PDE7B: variants seen among roughly 807,000 people sequenced by gnomAD.
The protein encoded by PDE7B is phosphodiesterase 7B.
PDE7B carries 29 observed loss-of-function variants against 56.2 expected under a neutral mutation model. That is an observed-to-expected ratio of 0.52 (90% CI 0.38 to 0.70). The LOEUF (loss-of-function observed/expected upper bound fraction) is 0.70. PDE7B is among the 30% of genes least tolerant of loss of function. The pLI is 0.00. For missense variants in PDE7B, 490 were observed against 565.0 expected (o/e 0.87, Z 1.35); for synonymous variants, 197 against 196.9 (o/e 1.00, Z 0.00).
chr6:135,883,686 C>G (rs1452785575), intron 1 of PDE7B, among the ~76,000 whole-genome samples: 5 of 152,192 alleles, frequency 3.3e-5, no homozygotes, highest in Admixed American at 2.6e-4. Flanking sequence ...TGTCTTTGGT[C>G]TACACTCTTT....
intron 1 of PDE7B, among the ~76,000 whole-genome samples, chr6:135,921,772 G>A (rs1774086009): frequency 6.6e-6 from 1 of 151,888 alleles, no homozygotes; most frequent in Non-Finnish European, 1.5e-5. Flanking sequence ...TATCAAATTT[G>A]GACGAATATT....
In PDE7B at chr6:136,179,052, C is replaced by T. The variant is rs1329883928; in HGVS notation, c.859C>T (p.Gln287Ter). The T allele has an allele frequency of 2.5e-6, 4 of 1,613,796 alleles. No homozygotes were observed. The highest frequency in any genetic ancestry group is 3.4e-6 in the Non-Finnish European group (4 of 1,179,800). The change falls in exon 10 of 13, where the codon CAG (glutamine) becomes TAG (stop). Residue 287 changes from glutamine to a stop codon, truncating the protein, a stop_gained. Transcript: ENST00000308191. LOFTEE classifies it high-confidence loss of function. ...GATCTTGGCAACAGACATCAACAGGCAGAATGAATTTTTGACCAGATTGAA... is the reference window on the plus strand; with the variant it reads ...GATCTTGGCAACAGACATCAACAGGTAGAATGAATTTTTGACCAGATTGAA... ...SLILATDINRQNEFLTRLKAH... is the reference protein window; with the variant it reads ...SLILATDINR
chr6:136,104,023 T>A (rs1345633421), intron 2 of PDE7B, among the ~76,000 whole-genome samples: 2 of 152,178 alleles, frequency 1.3e-5, no homozygotes, highest in Non-Finnish European at 2.9e-5. Flanking sequence ...AGAGGCCAAG[T>A]AAGCAAGAGG....
chr6:136,119,934 G>A (rs1014206528), intron 3 of PDE7B, among the ~76,000 whole-genome samples: 3 of 152,156 alleles, frequency 2.0e-5, no homozygotes, highest in Admixed American at 6.6e-5. Context: ...CTCCAGAGCC[G>A]GCTGCCTGGG....
chr6:136,048,926 C>T (rs541146336), intron 2 of PDE7B: 1 of 152,284 alleles, frequency 6.6e-6, no homozygotes, highest in East Asian at 1.9e-4. Flanking sequence ...AAGCCCTTGA[C>T]ACATGGTATC....
chr6:136,139,895 A>G (rs1223127362), intron 3 of PDE7B, among the ~76,000 whole-genome samples: 1 of 152,106 alleles, frequency 6.6e-6, no homozygotes, highest in African/African-American at 2.4e-5. Context: ...AGTAGATTGC[A>G]AAAATTTTCT....
At chr6:135,973,119 G>A (rs1775121624) in intron 2 of PDE7B, among the ~76,000 whole-genome samples, 1 of 150,984 alleles carries the variant, frequency 6.6e-6, no homozygotes, top group Non-Finnish European at 1.5e-5. Context: ...CAGTTGATGA[G>A]TGATTCCTGA....
chr6:136,017,788 G>A (rs1432877591), intron 2 of PDE7B, among the ~76,000 whole-genome samples: 4 of 152,104 alleles, frequency 2.6e-5, no homozygotes, highest in East Asian at 1.9e-4. Context: ...AATTAGCATA[G>A]GAAATGGGTT....
chr6:136,157,894 T>G (rs897442148), intron 8 of PDE7B, among the ~76,000 whole-genome samples: 4 of 152,198 alleles, frequency 2.6e-5, no homozygotes, highest in African/African-American at 9.6e-5. Context: ...TAGCTGAGTA[T>G]GGTCCTGCCA....
At chr6:135,924,774 A>C (rs998076067) in intron 1 of PDE7B, among the ~76,000 whole-genome samples, 6 of 151,130 alleles carry the variant, frequency 4.0e-5, no homozygotes, top group Admixed American at 2.0e-4. Context: ...GTAAAAGTAT[A>C]TTTACTTACA....
chr6:136,097,415 G>A (rs1190526444), intron 2 of PDE7B, among the ~76,000 whole-genome samples: 4 of 151,948 alleles, frequency 2.6e-5, no homozygotes, highest in Non-Finnish European at 5.9e-5. Flanking sequence ...GCCCTCATAT[G>A]AAATTTCTTA....
intron 3 of PDE7B, among the ~76,000 whole-genome samples, chr6:136,138,195 T>A (rs1362612428): frequency 6.6e-6 from 1 of 152,154 alleles, no homozygotes; most frequent in African/African-American, 2.4e-5. Flanking sequence ...TCTGTAAGAT[T>A]TAGCTTAGCT....
intron 8 of PDE7B, chr6:136,166,368 C>G (rs1280241467): frequency 6.6e-6 from 1 of 152,216 alleles, no homozygotes. Context: ...TATATTAGTT[C>G]CTTCTCACAT....
At chr6:136,144,946 T>C (rs1461388921) in intron 3 of PDE7B, among the ~76,000 whole-genome samples, 3 of 152,140 alleles carry the variant, frequency 2.0e-5, no homozygotes, top group Non-Finnish European at 4.4e-5. Context: ...ATTTTTCCAC[T>C]AAAAACTACC....
chr6:136,145,481 A>C (rs12662330), intron 3 of PDE7B, among the ~76,000 whole-genome samples: 71,024 of 151,836 alleles, frequency 0.47, 17,320 homozygotes, highest in African/African-American at 0.62. Context: ...GCAAAAAGTC[A>C]TATTTAAAAA....
chr6:136,010,600 T>A (rs1562468729), intron 2 of PDE7B, among the ~76,000 whole-genome samples: 1 of 152,012 alleles, frequency 6.6e-6, no homozygotes, highest in Non-Finnish European at 1.5e-5. Flanking sequence ...GAAACAGGGT[T>A]TGCTCCCCTT....
intron 8 of PDE7B, among the ~76,000 whole-genome samples, chr6:136,159,326 T>C (rs796409123): frequency 2.0e-5 from 3 of 152,296 alleles, no homozygotes; most frequent in African/African-American, 7.2e-5. Context: ...TGGAAAGTAG[T>C]GCTAAAATTA....
chr6:136,030,482 T>C lies in PDE7B; in HGVS notation c.83-78249T>C, dbSNP rs1426587720. ...TGTGTGTGCATGTGTTGTGTGTGTG[T>C]GTTTCGCTGAGACTGACATTGCTGT... On this transcript the variant is annotated intron_variant, in intron 2 of 12. Transcript: ENST00000308191. Among the ~76,000 whole-genome samples, 3 of 152,248 alleles carry C rather than the reference T, an allele frequency of 2.0e-5. No individual in the cohort carries two copies. The East Asian group carries it at 5.8e-4, about 29-fold the overall frequency.
chr6:136,153,593 C>T lies in PDE7B; in HGVS notation c.479-482C>T, dbSNP rs142730718. Among the ~76,000 whole-genome samples the T allele has an allele frequency of 1.1e-3, 175 of 152,204 alleles. 1 individual carries two copies. The highest frequency in any genetic ancestry group is 3.8e-3 in the African/African-American group (158 of 41,528). ...CCCTGAATCTCTGCCCTAAGAGGCCCGGATTTGCTTTCATTGGTATTTGTT... is the reference window on the plus strand; with the variant it reads ...CCCTGAATCTCTGCCCTAAGAGGCCTGGATTTGCTTTCATTGGTATTTGTT... On this transcript the variant is annotated intron_variant, in intron 6 of 12. Transcript: ENST00000308191.
Sources: gnomAD v4.1 joint callset for allele counts (sites outside exome capture counted in the v4.1 genomes callset) on GRCh38, gnomAD v4.1.1 for gene constraint, MANE v1.5 for transcripts, NCBI Gene and HGNC (gene_info 2026-07-23, HGNC 2026-07-21) for gene names.